DSCAM: variants seen among roughly 807,000 people sequenced by gnomAD.
DSCAM encodes the protein DS cell adhesion molecule.
DSCAM carries 47 observed loss-of-function variants against 217.7 expected under a neutral mutation model. The observed-to-expected ratio is 0.22, with a 90% CI of 0.17 to 0.28. The LOEUF is 0.28. DSCAM is among the 10% of genes least tolerant of loss of function. DSCAM has a pLI of 1.00. For missense variants in DSCAM, 2,080 were observed against 2,618.3 expected (o/e 0.79, Z 4.49); for synonymous variants, 1,056 against 1,015.3 (o/e 1.04, Z -0.76).
At chr21:40,502,822 G>A (rs1008348354) in intron 3 of DSCAM, among the ~76,000 whole-genome samples, 2 of 152,078 alleles carry the variant, frequency 1.3e-5, no homozygotes, top group Admixed American at 1.3e-4. Flanking sequence ...TGGCAACTAA[G>A]CCACAGGCAT....
intron 3 of DSCAM, among the ~76,000 whole-genome samples, chr21:40,454,639 C>T (rs903962367): frequency 6.6e-6 from 1 of 152,176 alleles, no homozygotes; most frequent in Non-Finnish European, 1.5e-5. Flanking sequence ...GATTTCCGTA[C>T]ATGCAAATCA....
chr21:40,154,092 G>A (rs903926007), intron 16 of DSCAM, among the ~76,000 whole-genome samples: 1 of 151,972 alleles, frequency 6.6e-6, no homozygotes, highest in Admixed American at 6.6e-5. Context: ...GGATTTTGAG[G>A]GGGCTATGTC....
chr21:40,324,373 A>G (rs1183911659), intron 8 of DSCAM, among the ~76,000 whole-genome samples: 1 of 152,100 alleles, frequency 6.6e-6, no homozygotes, highest in Non-Finnish European at 1.5e-5. Context: ...GGCGTAAAAG[A>G]GTAAAACAAA....
At chr21:40,276,391 C>T (rs1029232409) in intron 10 of DSCAM, 121 bp from the exon 11 acceptor site, 19 of 748,808 alleles carry the variant, frequency 2.5e-5, no homozygotes, top group East Asian at 6.4e-5. Context: ...AAGGCAGTCA[C>T]GGGATACACC....
intron 3 of DSCAM, among the ~76,000 whole-genome samples, chr21:40,651,903 C>T (rs2090018433): frequency 6.6e-6 from 1 of 152,146 alleles, no homozygotes; most frequent in Admixed American, 6.5e-5. Flanking sequence ...TTGGTGACTT[C>T]TGGGAAAGGA....
rs55878811 is a variant in DSCAM at position 40,659,353 on chromosome 21, GTATCTATC to G, written c.508+33449_508+33456del. On this transcript the variant is annotated intron_variant, in intron 3 of 32. Coordinates refer to ENST00000400454, the MANE Select transcript of DSCAM (RefSeq NM_001389.5). Reference sequence around the variant, plus strand: ...TCACACCTGTTTGGTGATCAGATGAGTATCTATCTATCTATCTATCTATCTATCTATCT... The same window carrying G: ...TCACACCTGTTTGGTGATCAGATGAGTATCTATCTATCTATCTATCTATCT... 6.9e-3 allele frequency among the ~76,000 whole-genome samples: 1,026 copies of G among 148,484 alleles called. 40 individuals carry two copies. In the East Asian group the frequency reaches 0.11, roughly 16 times the overall value.
At chr21:40,221,813 A>C (rs1250560171) in intron 11 of DSCAM, among the ~76,000 whole-genome samples, 2 of 152,184 alleles carry the variant, frequency 1.3e-5, no homozygotes, top group Admixed American at 6.5e-5. Flanking sequence ...TCCTTGACTA[A>C]GCAGTGGAAA....
chr21:40,818,679 T>C (rs1434287718), intron 1 of DSCAM, among the ~76,000 whole-genome samples: 1 of 151,006 alleles, frequency 6.6e-6, no homozygotes, highest in African/African-American at 2.4e-5. Context: ...TTCAGCTTCA[T>C]ATATGTTGCT....
chr21:40,417,445 A>C (rs2075382769), intron 3 of DSCAM, among the ~76,000 whole-genome samples: 1 of 152,218 alleles, frequency 6.6e-6, no homozygotes, highest in South Asian at 2.1e-4. Context: ...TTGCAAATTG[A>C]TGGTAAATTT....
At chr21:40,460,577 C>T (rs540969510) in intron 3 of DSCAM, among the ~76,000 whole-genome samples, 1 of 152,120 alleles carries the variant, frequency 6.6e-6, no homozygotes, top group South Asian at 2.1e-4. Flanking sequence ...ATAGATCTTT[C>T]CTTAAACTGT....
At position 40,767,971 on chromosome 21, in the gene DSCAM, T is replaced by C. The variant is rs1249436299; in HGVS notation, c.44-59200A>G. Among the ~76,000 whole-genome samples, 13 of 152,220 alleles carry C rather than the reference T, an allele frequency of 8.5e-5. No homozygotes were observed. The East Asian group carries it at 2.3e-3, about 27-fold the overall frequency. Reference sequence around the variant, plus strand: ...TATACAGCATTTTATTTTGTCTACATATGCAAATGTTCAGTGACAGGGACA... The same window carrying C: ...TATACAGCATTTTATTTTGTCTACACATGCAAATGTTCAGTGACAGGGACA... On this transcript the variant is annotated intron_variant, in intron 1 of 32. Transcript: ENST00000400454.
intron 1 of DSCAM, among the ~76,000 whole-genome samples, chr21:40,763,191 A>G (rs1252803509): frequency 6.6e-6 from 1 of 152,032 alleles, no homozygotes. Flanking sequence ...TATTTAGAAA[A>G]CCCCATCATC....
rs908605328 is a variant in DSCAM at position 40,229,400 on chromosome 21, C to T, written c.2357-40162G>A. On this transcript the variant is annotated intron_variant, in intron 11 of 32. Coordinates refer to ENST00000400454, the MANE Select transcript of DSCAM (RefSeq NM_001389.5). ...CCTACATTAAGATTCATTCTTTTTG[C>T]TGGAAGGCTCTGTGGTTTTGACAAA... 2.0e-4 allele frequency among the ~76,000 whole-genome samples: 31 copies of T among 152,224 alleles called. No homozygotes were observed. The East Asian group carries it at 2.3e-3, about 11-fold the overall frequency.
intron 3 of DSCAM, among the ~76,000 whole-genome samples, chr21:40,616,095 T>C (rs780955680): frequency 1.3e-5 from 2 of 151,938 alleles, no homozygotes; most frequent in Non-Finnish European, 2.9e-5. Flanking sequence ...CTGTTCTTGG[T>C]TGGAAGCAGA....
Position 40,353,722 on chromosome 21 carries a change from G to A in DSCAM, c.677C>T (p.Ser226Phe). The change falls in exon 5 of 33, where the codon TCC becomes TTC. Residue 226 changes from serine to phenylalanine, a missense_variant. Ser to Phe is a radical substitution (Grantham distance 155). Transcript: ENST00000400454. ...FVSDPANSAP[S>F]ILDGFDHRKA... ...GCGATGGTCAAACCCATCCAGTATG[G>A]ATGGGGCTGAGTTCGCTGGGTCTGT... is the stretch of plus-strand genomic sequence containing the variant. 2 of 1,569,634 alleles carry A rather than the reference G, an allele frequency of 1.3e-6. No homozygotes were observed. Among genetic ancestry groups the A allele is most frequent in the East Asian group, 4.6e-5 (2 of 43,952 alleles).
At chr21:40,026,220 A>T in intron 32 of DSCAM, among the ~76,000 whole-genome samples, 1 of 139,064 alleles carries the variant, frequency 7.2e-6, no homozygotes, top group East Asian at 2.0e-4. Context: ...AGTTTGATTG[A>T]CCTGTGGTCT....
chr21:40,724,330 A>C (rs762696289), intron 1 of DSCAM, among the ~76,000 whole-genome samples: 3 of 152,228 alleles, frequency 2.0e-5, no homozygotes. Flanking sequence ...GGAAGCATAA[A>C]AACTGGGGAA....
At position 40,185,556 on chromosome 21, in the gene DSCAM, C is replaced by A. The variant is rs577429306; in HGVS notation, c.2779+1575G>T. On this transcript the variant is annotated intron_variant, in intron 14 of 32. Coordinates refer to ENST00000400454, the MANE Select transcript of DSCAM (RefSeq NM_001389.5). ...CCGCACCAACAGCATGGGCAGCCTGCAGCCCCATAGCCAGTGCGCAGCCAG... is the reference window on the plus strand; with the variant it reads ...CCGCACCAACAGCATGGGCAGCCTGAAGCCCCATAGCCAGTGCGCAGCCAG... Among the ~76,000 whole-genome samples the A allele has an allele frequency of 5.3e-5, 8 of 152,330 alleles. No homozygotes were observed. The East Asian group carries it at 1.5e-3, about 29-fold the overall frequency.
intron 3 of DSCAM, among the ~76,000 whole-genome samples, chr21:40,686,687 G>A (rs1296561403): frequency 1.3e-5 from 2 of 152,108 alleles, no homozygotes; most frequent in South Asian, 2.1e-4. Flanking sequence ...CTCCTGGCAG[G>A]CTGAGGCCCT....
Sources: gnomAD v4.1 joint callset for allele counts (sites outside exome capture counted in the v4.1 genomes callset) on GRCh38, gnomAD v4.1.1 for gene constraint, MANE v1.5 for transcripts, NCBI Gene and HGNC (gene_info 2026-07-23, HGNC 2026-07-21) for gene names.